The following ZNF248 variants were observed in gnomAD, a reference collection of about 807,000 sequenced individuals.
The protein encoded by ZNF248 is KRAB protein domain.
In ZNF248, 20 loss-of-function variants were observed where a neutral mutation model predicts 44.3. The observed-to-expected ratio is 0.45, with a 90% CI of 0.32 to 0.66. The LOEUF (loss-of-function observed/expected upper bound fraction) is 0.66, where lower values mean the gene tolerates loss of function less well. ZNF248 is among the 30% of genes least tolerant of loss of function. The pLI, the probability that ZNF248 is intolerant of heterozygous loss-of-function variation, is 0.04. For missense variants in ZNF248, 654 were observed against 677.0 expected (o/e 0.97, Z 0.38); for synonymous variants, 224 against 229.0 (o/e 0.98, Z 0.20).
intron 6 of ZNF248, among the ~76,000 whole-genome samples, chr10:37,778,541 T>A: frequency 6.6e-6 from 1 of 152,096 alleles, no homozygotes; most frequent in Non-Finnish European, 1.5e-5. Context: ...TTTAGTTTAA[T>A]TAGATCCCAT....
At chr10:37,839,943 T>C (rs543389214) in intron 3 of ZNF248, among the ~76,000 whole-genome samples, 1 of 152,274 alleles carries the variant, frequency 6.6e-6, no homozygotes, top group East Asian at 1.9e-4. Context: ...AAAACACACC[T>C]TAACGAACTT....
chr10:37,789,018 C>T (rs1054434319), intron 6 of ZNF248, among the ~76,000 whole-genome samples: 3 of 152,094 alleles, frequency 2.0e-5, no homozygotes, highest in Non-Finnish European at 4.4e-5. Flanking sequence ...ACTACAGGCA[C>T]ATGCCTCCAT....
chr10:37,856,090 A>T (rs914017866), intron 3 of ZNF248, among the ~76,000 whole-genome samples: 3 of 152,270 alleles, frequency 2.0e-5, no homozygotes, highest in Admixed American at 6.5e-5. Flanking sequence ...TAGAGATAAT[A>T]TTACAATAAC....
downstream of ZNF248, among the ~76,000 whole-genome samples, chr10:37,825,936 A>T (rs1487870090): frequency 6.6e-6 from 1 of 151,566 alleles, no homozygotes; most frequent in African/African-American, 2.4e-5. Context: ...GAAAACTTGG[A>T]CAAGTGTAGA....
Position 37,831,605 on chromosome 10 carries a change from C to G in ZNF248, c.*10G>C. The G allele has an allele frequency of 6.2e-7, 1 of 1,610,258 alleles. No homozygotes were observed. The highest frequency in any genetic ancestry group is 8.5e-7 in the Non-Finnish European group (1 of 1,177,264). On this transcript the variant is annotated 3_prime_UTR_variant, in exon 6 of 6. Transcript: ENST00000395867. Reference sequence around the variant, plus strand: ...AACCAATTTCACAAGTGTATGAAGGCTTCTAACATTCAGGATGTTGAAAGA... The same window carrying G: ...AACCAATTTCACAAGTGTATGAAGGGTTCTAACATTCAGGATGTTGAAAGA...
At chr10:37,784,339 T>C (rs1471825839) in intron 6 of ZNF248, among the ~76,000 whole-genome samples, 4 of 152,188 alleles carry the variant, frequency 2.6e-5, no homozygotes, top group Admixed American at 2.0e-4. Context: ...TACTCAGCCC[T>C]TGAGTGAATA....
chr10:37,797,026 TCTAA>T (rs904863768), intron 6 of ZNF248, among the ~76,000 whole-genome samples: 48 of 152,130 alleles, frequency 3.2e-4, no homozygotes, highest in African/African-American at 1.1e-3. Context: ...AGTAATTAAG[TCTAA>T]CTGATTTAAT....
At chr10:37,835,555 G>A (rs745357228) in intron 5 of ZNF248, among the ~76,000 whole-genome samples, 2 of 152,172 alleles carry the variant, frequency 1.3e-5, no homozygotes, top group Non-Finnish European at 2.9e-5. Context: ...TAACTGCACG[G>A]CAATGGCCCT....
At chr10:37,846,893 A>G (rs1166584622) in intron 3 of ZNF248, among the ~76,000 whole-genome samples, 1 of 152,270 alleles carries the variant, frequency 6.6e-6, no homozygotes, top group Non-Finnish European at 1.5e-5. Flanking sequence ...TACACCTCAC[A>G]AAGTCTTAAA....
rs79806277 is a variant in ZNF248, at chr10:37,780,829, G to C, written c.331-4254C>G. ...GTCCTAGCCCAAACCTCCTCAGCTC[G>C]CCTGCTTGTCACACTCGGGCTGAAT... is the stretch of plus-strand genomic sequence containing the variant. On this transcript the variant is annotated intron_variant, in intron 6 of 6. Transcript: ENST00000615949. Among the ~76,000 whole-genome samples the C allele has an allele frequency of 2.6e-5, 4 of 152,144 alleles. No homozygotes were observed. The South Asian group carries it at 8.3e-4, about 31-fold the overall frequency.
chr10:37,802,297 T>C (rs1222788673), intron 6 of ZNF248, among the ~76,000 whole-genome samples: 1 of 152,156 alleles, frequency 6.6e-6, no homozygotes, highest in East Asian at 1.9e-4. Context: ...TGAGATCCTG[T>C]GCAACCTGGC....
chr10:37,821,741 T>A lies in ZNF248; in HGVS notation c.330+11284A>T, dbSNP rs149214939. Among the ~76,000 whole-genome samples, 389 of 152,304 alleles carry A rather than the reference T, an allele frequency of 2.6e-3. 2 individuals are homozygous for A. Among genetic ancestry groups the A allele is most frequent in the Non-Finnish European group, 3.7e-3 (253 of 68,024 alleles). ...CTATCCTCAAAAGCCTTTACCTACA[T>A]CCAGGACAGGCTTGAAAACACAAGA... On this transcript the variant is annotated intron_variant, in intron 6 of 6. Coordinates refer to the ZNF248 transcript ENST00000615949.
At chr10:37,820,484 A>T in intron 6 of ZNF248, 1 of 1,598,480 alleles carries the variant, frequency 6.3e-7, no homozygotes, top group African/African-American at 1.3e-5. Context: ...TACTTGTCAC[A>T]GTAAGGGATT....
At chr10:37,827,525 G>A (rs1212379208), downstream of ZNF248, among the ~76,000 whole-genome samples, 1 of 152,176 alleles carries the variant, frequency 6.6e-6, no homozygotes, top group Non-Finnish European at 1.5e-5. Flanking sequence ...TTTGTCATCT[G>A]AAAGAGAAGC....
intron 3 of ZNF248, among the ~76,000 whole-genome samples, chr10:37,854,691 T>C (rs2060962336): frequency 6.6e-6 from 1 of 152,214 alleles, no homozygotes; most frequent in South Asian, 2.1e-4. Flanking sequence ...TGGGAATTCA[T>C]CTAATATATA....
rs1367279134 is a variant in ZNF248 at position 37,829,820 on chromosome 10, C to T, written c.*1795G>A. 6 of 985,340 alleles carry T rather than the reference C, an allele frequency of 6.1e-6. No homozygotes were observed. Among genetic ancestry groups the T allele is most frequent in the Admixed American group, 1.2e-4 (2 of 16,264 alleles). 61.0% of individuals were successfully genotyped at this position (985,340 alleles called of 1,614,324 possible). ...GAAGTACTACACAATACTTCCCAAA[C>T]ATCTCATTGCTCCCAAGTTCACCCC... On this transcript the variant is annotated 3_prime_UTR_variant, in exon 6 of 6. Coordinates refer to ENST00000395867, the MANE Select transcript of ZNF248 (RefSeq NM_021045.3).
intron 6 of ZNF248, among the ~76,000 whole-genome samples, chr10:37,777,897 G>A (rs1030682038): frequency 5.4e-4 from 82 of 151,878 alleles, no homozygotes; most frequent in African/African-American, 1.1e-3. Flanking sequence ...AGTATTCCAC[G>A]GTGTATATGT....
downstream of ZNF248, among the ~76,000 whole-genome samples, chr10:37,771,555 A>AT (rs1564438780): frequency 6.9e-6 from 1 of 145,838 alleles, no homozygotes; most frequent in Non-Finnish European, 1.5e-5. Context: ...GTTCTCACTC[A>AT]TAGGTGGGAG....
chr10:37,770,336 A>G, the ZNF248 span, among the ~76,000 whole-genome samples: 9 of 152,238 alleles, frequency 5.9e-5, no homozygotes, highest in Admixed American at 2.0e-4. Context: ...AGCCAAAAGA[A>G]CAAAGCCAGA....
Sources: gnomAD v4.1 joint callset for allele counts (sites outside exome capture counted in the v4.1 genomes callset) on GRCh38, gnomAD v4.1.1 for gene constraint, MANE v1.5 for transcripts, NCBI Gene and HGNC (gene_info 2026-07-23, HGNC 2026-07-21) for gene names.